DSCAM: variants seen among roughly 807,000 people sequenced by gnomAD.
DSCAM encodes cell adhesion molecule DSCAM.
DSCAM carries 47 observed loss-of-function variants against 217.7 expected under a neutral mutation model. That is an observed-to-expected ratio of 0.22 (90% CI 0.17 to 0.28). The LOEUF (loss-of-function observed/expected upper bound fraction) is 0.28. Ranked by LOEUF, DSCAM falls within the 10% of genes least tolerant of loss-of-function variation. The probability of loss-of-function intolerance (pLI) is 1.00; values close to 1 mark genes in which losing one functional copy is unlikely to be tolerated. For synonymous variants in DSCAM, 1,056 were observed against 1,015.3 expected (o/e 1.04, Z -0.76); for missense variants, 2,080 against 2,618.3 (o/e 0.79, Z 4.49).
chr21:40,378,909 A>G (rs1317341366), intron 3 of DSCAM, among the ~76,000 whole-genome samples: 1 of 149,930 alleles, frequency 6.7e-6, no homozygotes, highest in Non-Finnish European at 1.5e-5. Flanking sequence ...GAAAACTTAT[A>G]CATAAACCTG....
intron 3 of DSCAM, among the ~76,000 whole-genome samples, chr21:40,501,417 C>T (rs373873609): frequency 1.3e-5 from 2 of 151,868 alleles, no homozygotes; most frequent in East Asian, 3.9e-4. Context: ...ATTTGTGCTC[C>T]CCTTTTCAAT....
chr21:40,139,043 T>TTG (rs758697867), intron 18 of DSCAM, among the ~76,000 whole-genome samples: 6 of 141,526 alleles, frequency 4.2e-5, no homozygotes, highest in Non-Finnish European at 9.2e-5. Flanking sequence ...GTAGTGTGTG[T>TTG]TGTGTGTGTG....
chr21:40,615,824 G>A (rs965385630), intron 3 of DSCAM, among the ~76,000 whole-genome samples: 13 of 151,876 alleles, frequency 8.6e-5, no homozygotes, highest in Admixed American at 6.6e-4. Flanking sequence ...CTGGGTCTTC[G>A]GCTCTATTAA....
At position 40,412,040 on chromosome 21, in the gene DSCAM, G is replaced by A. The variant is rs149728390; in HGVS notation, c.509-42795C>T. 8.0e-4 allele frequency among the ~76,000 whole-genome samples: 122 copies of A among 152,218 alleles called. 2 individuals are homozygous for A. The East Asian group carries it at 0.02, about 26-fold the overall frequency. ...CTGATGGTTTGATAAGGGGAAACCCGTTTCATTTGGCATTCATTCTCTCTT... is the reference window on the plus strand; with the variant it reads ...CTGATGGTTTGATAAGGGGAAACCCATTTCATTTGGCATTCATTCTCTCTT... On this transcript the variant is annotated intron_variant, in intron 3 of 32. Coordinates refer to ENST00000400454, the MANE Select transcript of DSCAM (RefSeq NM_001389.5).
At chr21:40,497,038 G>C (rs546292239) in intron 3 of DSCAM, among the ~76,000 whole-genome samples, 2 of 152,200 alleles carry the variant, frequency 1.3e-5, no homozygotes, top group South Asian at 4.1e-4. Flanking sequence ...GTACTCTATT[G>C]GTGGAAATTT....
At chr21:40,085,819 C>T in intron 22 of DSCAM, 54 bp from the exon 23 acceptor site, 1 of 1,384,826 alleles carries the variant, frequency 7.2e-7, no homozygotes, top group Non-Finnish European at 9.5e-7. Flanking sequence ...TCCAAATTAG[C>T]TGAGGTTGGG....
chr21:40,417,673 G>C (rs1188197388), intron 3 of DSCAM, among the ~76,000 whole-genome samples: 1 of 151,994 alleles, frequency 6.6e-6, no homozygotes, highest in African/African-American at 2.4e-5. Context: ...TTTCCGGTCT[G>C]GTTCTAGATA....
At chr21:40,438,723 C>T (rs1454327068) in intron 3 of DSCAM, among the ~76,000 whole-genome samples, 1 of 152,128 alleles carries the variant, frequency 6.6e-6, no homozygotes, top group Non-Finnish European at 1.5e-5. Flanking sequence ...TATTTTTGCT[C>T]TCCAAAATGA....
intron 3 of DSCAM, among the ~76,000 whole-genome samples, chr21:40,641,104 C>T (rs1436532358): frequency 1.3e-5 from 2 of 152,176 alleles, no homozygotes; most frequent in Non-Finnish European, 2.9e-5. Flanking sequence ...GAGAACGATG[C>T]TGCATGGAAT....
At chr21:40,442,727 G>T (rs2075642642) in intron 3 of DSCAM, among the ~76,000 whole-genome samples, 1 of 152,002 alleles carries the variant, frequency 6.6e-6, no homozygotes, top group South Asian at 2.1e-4. Context: ...GGCCGGGCTG[G>T]TCCCGAACTC....
intron 3 of DSCAM, among the ~76,000 whole-genome samples, chr21:40,589,218 C>G (rs1003285888): frequency 1.3e-5 from 2 of 152,220 alleles, no homozygotes; most frequent in Non-Finnish European, 2.9e-5. Context: ...TATGCTTTGG[C>G]AGCCAATACA....
In DSCAM at chr21:40,485,025, C is replaced by T. The variant is rs935549133; in HGVS notation, c.509-115780G>A. Reference sequence around the variant, plus strand: ...AGCTTCCTCCAGCAGCTTTTAGAGACGCTTCCAGAGTCTCATTATGTTATT... The same window carrying T: ...AGCTTCCTCCAGCAGCTTTTAGAGATGCTTCCAGAGTCTCATTATGTTATT... On this transcript the variant is annotated intron_variant, in intron 3 of 32. Transcript: ENST00000400454. Among the ~76,000 whole-genome samples, 4 of 152,030 alleles carry T rather than the reference C, an allele frequency of 2.6e-5. No homozygotes were observed. In the East Asian group the frequency reaches 5.8e-4, roughly 22 times the overall value.
chr21:40,124,214 C>G lies in DSCAM; in HGVS notation c.3677G>C (p.Cys1226Ser). The G allele has an allele frequency of 6.2e-7, 1 of 1,613,934 alleles. No homozygotes were observed. Among genetic ancestry groups the G allele is most frequent in the South Asian group, 1.1e-5 (1 of 91,076 alleles). ...ACTTACTGTGGGATAGGGGTGGGAG[C>G]AGAATACAGTGTACTTTCGGATGAT... is the stretch of plus-strand genomic sequence containing the variant. Reference protein sequence around the residue: ...NGIIRKYTVFCSHPYPTVISE... With the variant: ...NGIIRKYTVFSSHPYPTVISE... The change falls in exon 20 of 33, where the codon TGC becomes TCC. Residue 1226 changes from cysteine to serine, a missense_variant. By Grantham distance (112) the Cys-to-Ser change is moderately radical (BLOSUM62 -1). Around this residue, in one of 5 missense-constraint regions of DSCAM, gnomAD observed 1,144 missense variants for 1,421.1 expected, o/e 0.81. Coordinates refer to ENST00000400454, the MANE Select transcript of DSCAM (RefSeq NM_001389.5).
intron 3 of DSCAM, among the ~76,000 whole-genome samples, chr21:40,446,597 A>G (rs1249543156): frequency 6.6e-6 from 1 of 152,164 alleles, no homozygotes; most frequent in African/African-American, 2.4e-5. Context: ...CCAGCAAAAA[A>G]GCAAATGTGT....
chr21:40,482,974 G>A (rs2075995352), intron 3 of DSCAM, among the ~76,000 whole-genome samples: 1 of 152,174 alleles, frequency 6.6e-6, no homozygotes, highest in African/African-American at 2.4e-5. Context: ...GAGTTGTGGT[G>A]CTGTGGATGT....
At chr21:40,334,790 G>A (rs770216263) in intron 8 of DSCAM, among the ~76,000 whole-genome samples, 1 of 152,006 alleles carries the variant, frequency 6.6e-6, no homozygotes, top group Non-Finnish European at 1.5e-5. Flanking sequence ...TGGGACTACG[G>A]GCTCGTCCCA....
At chr21:40,765,282 G>A (rs2091376828) in intron 1 of DSCAM, among the ~76,000 whole-genome samples, 1 of 152,158 alleles carries the variant, frequency 6.6e-6, no homozygotes, top group African/African-American at 2.4e-5. Flanking sequence ...TCCTTGCGCA[G>A]AGCAACTTGG....
intron 1 of DSCAM, among the ~76,000 whole-genome samples, chr21:40,839,641 T>C (rs570118093): frequency 6.6e-6 from 1 of 152,258 alleles, no homozygotes; most frequent in African/African-American, 2.4e-5. Context: ...GTATGCTTTT[T>C]TTTTTGTTTT....
chr21:40,503,099 C>G (rs1194852747), intron 3 of DSCAM, among the ~76,000 whole-genome samples: 1 of 152,172 alleles, frequency 6.6e-6, no homozygotes, highest in Non-Finnish European at 1.5e-5. Flanking sequence ...CTCTTTACTT[C>G]CTACTTCCCA....
Sources: allele counts gnomAD v4.1 joint callset (sites outside exome capture counted in the v4.1 genomes callset), GRCh38; gene constraint gnomAD v4.1.1; regional missense constraint gnomAD v4.1.1; transcripts MANE v1.5; gene names NCBI Gene and HGNC (gene_info 2026-07-23, HGNC 2026-07-21).